The following PRKAR1B variants were observed in gnomAD, a reference collection of about 807,000 sequenced individuals.
PRKAR1B encodes the protein protein kinase cAMP-dependent type I regulatory subunit beta.
Under a neutral mutation model 46.5 loss-of-function variants are expected in PRKAR1B, and 22 were observed. The observed-to-expected ratio is 0.47, with a 90% CI of 0.34 to 0.68. The LOEUF (loss-of-function observed/expected upper bound fraction) is 0.68. PRKAR1B is among the 30% of genes least tolerant of loss of function. The pLI is 0.01. For missense variants in PRKAR1B, 445 were observed against 535.6 expected (o/e 0.83, Z 1.67); for synonymous variants, 259 against 217.7 (o/e 1.19, Z -1.67).
chr7:671,844 C>T (rs74440559), intron 4 of PRKAR1B, among the ~76,000 whole-genome samples: 4,810 of 152,282 alleles, frequency 0.032, 229 homozygotes, highest in African/African-American at 0.098. Context: ...ATGCCTGGAA[C>T]GGGCCCCAGG....
intron 2 of PRKAR1B, among the ~76,000 whole-genome samples, chr7:683,610 A>G (rs1778824507): frequency 6.6e-6 from 1 of 152,220 alleles, no homozygotes; most frequent in African/African-American, 2.4e-5. Context: ...GCCGCCATCC[A>G]TCCTGTGGGT....
chr7:584,734 G>A (rs1378001119), intron 7 of PRKAR1B, among the ~76,000 whole-genome samples, 166 bp from the exon 8 acceptor site: 8 of 152,110 alleles, frequency 5.3e-5, no homozygotes, highest in Non-Finnish European at 7.4e-5. Context: ...GAGCTGCCAC[G>A]GTGTCCTATG....
At chr7:573,976 C>T (rs752973123) in intron 9 of PRKAR1B, among the ~76,000 whole-genome samples, 35 of 152,226 alleles carry the variant, frequency 2.3e-4, no homozygotes, top group Non-Finnish European at 4.0e-4. Context: ...TCCCAGGACG[C>T]CCGGCACATA....
chr7:598,662 C>T (rs1202683054), intron 6 of PRKAR1B, among the ~76,000 whole-genome samples: 2 of 152,206 alleles, frequency 1.3e-5, no homozygotes, highest in Non-Finnish European at 2.9e-5. Context: ...ACCCTCCCTC[C>T]AGCACCCTCT....
intron 4 of PRKAR1B, among the ~76,000 whole-genome samples, chr7:672,152 A>G (rs1190560983): frequency 6.6e-6 from 1 of 151,076 alleles, no homozygotes; most frequent in East Asian, 1.9e-4. Context: ...TGTGGAACCG[A>G]ATTTGTTTTT....
chr7:682,088 G>A (rs1380783277), intron 2 of PRKAR1B, among the ~76,000 whole-genome samples: 1 of 152,120 alleles, frequency 6.6e-6, no homozygotes, highest in Admixed American at 6.5e-5. Context: ...AGGAGGGAGA[G>A]GAGAAGTCAG....
intron 4 of PRKAR1B, chr7:608,603 TGTGTG>T: frequency 1.9e-5 from 1 of 52,606 alleles, no homozygotes; most frequent in East Asian, 9.6e-4. Flanking sequence ...GAGAGGTCAG[TGTGTG>T]GCAGGGCTGT....
At chr7:607,336 G>A (rs945358424) in intron 5 of PRKAR1B, 55 bp downstream of exon 5, 2 of 1,510,844 alleles carry the variant, frequency 1.3e-6, no homozygotes, top group Admixed American at 1.7e-5. Flanking sequence ...TTTTTTAAGT[G>A]CATAGTCCAT....
intron 4 of PRKAR1B, among the ~76,000 whole-genome samples, chr7:616,000 A>T (rs1245503361): frequency 2.3e-5 from 2 of 87,676 alleles, no homozygotes; most frequent in African/African-American, 5.0e-5. Context: ...GAGAAAGAAA[A>T]AGGAAGAAAG....
intron 9 of PRKAR1B, among the ~76,000 whole-genome samples, chr7:552,841 G>C (rs1457654516): frequency 1.3e-5 from 2 of 152,238 alleles, no homozygotes; most frequent in Non-Finnish European, 2.9e-5. Context: ...CCTCCCCGGG[G>C]AAAGGGGAGG....
At chr7:684,737 C>G (rs566949567) in intron 2 of PRKAR1B, among the ~76,000 whole-genome samples, 5 of 152,290 alleles carry the variant, frequency 3.3e-5, no homozygotes, top group African/African-American at 7.2e-5. Context: ...CTTCTCTTCC[C>G]TTTTACAGTG....
intron 4 of PRKAR1B, among the ~76,000 whole-genome samples, chr7:624,754 T>C (rs912793697): frequency 6.6e-6 from 1 of 152,170 alleles, no homozygotes; most frequent in African/African-American, 2.4e-5. Context: ...AACAGACAAA[T>C]GCACCATTAT....
intron 4 of PRKAR1B, among the ~76,000 whole-genome samples, chr7:624,848 A>G (rs1353788698): frequency 6.6e-6 from 1 of 152,242 alleles, no homozygotes; most frequent in Non-Finnish European, 1.5e-5. Context: ...AAAATTATAC[A>G]CAGGAAATAA....
intron 9 of PRKAR1B, among the ~76,000 whole-genome samples, chr7:563,738 T>G (rs541681265): frequency 2.6e-4 from 40 of 151,320 alleles, no homozygotes; most frequent in Admixed American, 2.6e-3. Context: ...CTGCTTGGAG[T>G]GTGTATGTAC....
At chr7:612,048 CGGATGGAT>C (rs553779459) in intron 4 of PRKAR1B, among the ~76,000 whole-genome samples, 335 of 130,550 alleles carry the variant, frequency 2.6e-3, no homozygotes, top group Non-Finnish European at 4.1e-3. Context: ...AGTAGAATAA[CGGATGGAT>C]GGATGGATGG....
At chr7:638,455 C>T (rs1022554921) in intron 4 of PRKAR1B, among the ~76,000 whole-genome samples, 3 of 152,164 alleles carry the variant, frequency 2.0e-5, no homozygotes, top group African/African-American at 7.2e-5. Context: ...TCTGTGCACT[C>T]AGCCACCTGC....
At position 549,866 on chromosome 7, in the gene PRKAR1B, GC is replaced by G; in HGVS notation, c.*563del. ...CTCCCACTCCGGCATCCGCAGCAGG[GC>G]CCCCGGGGGAGGTGGGGGTGCGGCG... On this transcript the variant is annotated 3_prime_UTR_variant, in exon 11 of 11. Coordinates refer to ENST00000537384, the MANE Select transcript of PRKAR1B (RefSeq NM_001164760.2). 1 of 155,922 alleles carries G rather than the reference GC, an allele frequency of 6.4e-6. No homozygotes were observed. The highest frequency in any genetic ancestry group is 3.3e-3 in the Middle Eastern group (1 of 302). The allele number at this position is 155,922 out of a possible 1,614,324, so 9.7% of individuals were successfully genotyped here. A position where few individuals can be genotyped will look rare whatever the true frequency, so the allele number is the denominator to read the frequency against.
intron 8 of PRKAR1B, among the ~76,000 whole-genome samples, chr7:583,047 G>A (rs2128445416): frequency 6.6e-6 from 1 of 152,224 alleles, no homozygotes; most frequent in South Asian, 2.1e-4. Flanking sequence ...GGGTCCGGGG[G>A]CTGCCAGGGC....
At chr7:588,870 T>G (rs202164528) in intron 7 of PRKAR1B, among the ~76,000 whole-genome samples, 44 of 4,356 alleles carry the variant, frequency 0.01, no homozygotes, top group Middle Eastern at 0.5. Context: ...GGTGGTGATG[T>G]TGGTGAGGAT....
Sources: allele counts gnomAD v4.1 joint callset (sites outside exome capture counted in the v4.1 genomes callset), GRCh38; gene constraint gnomAD v4.1.1; transcripts MANE v1.5; gene names NCBI Gene and HGNC (gene_info 2026-07-23, HGNC 2026-07-21).